The following IGF2BP3 variants were observed in gnomAD, a reference collection of about 807,000 sequenced individuals.
IGF2BP3 encodes the protein insulin like growth factor 2 mRNA binding protein 3, also known as insulin-like growth factor 2 mRNA-binding protein 3.
A neutral mutation model predicts 73.8 loss-of-function variants in IGF2BP3; 9 were observed. The observed-to-expected ratio is 0.12, with a 90% CI of 0.07 to 0.21. IGF2BP3 has a LOEUF of 0.21. Ranked by LOEUF, IGF2BP3 falls within the 10% of genes least tolerant of loss-of-function variation. The pLI is 1.00. For synonymous variants in IGF2BP3, 258 were observed against 256.7 expected (o/e 1.01, Z -0.05); for missense variants, 542 against 714.0 (o/e 0.76, Z 2.75).
In IGF2BP3 at chr7:23,310,246, G is replaced by T. The variant is rs1462244776; in HGVS notation, c.*2116C>A. 6.6e-6 allele frequency: 1 copy of T among 152,152 alleles called. No homozygotes were observed. The highest frequency in any genetic ancestry group is 1.5e-5 in the Non-Finnish European group (1 of 68,038). The allele number at this position is 152,152 out of a possible 1,614,324, so 9.4% of individuals were successfully genotyped here. ...ATGAAAAAATTTATTCTGCGTCAAGGTATCTGGAAAATGAAGCTGCATTTG... is the reference window on the plus strand; with the variant it reads ...ATGAAAAAATTTATTCTGCGTCAAGTTATCTGGAAAATGAAGCTGCATTTG... On this transcript the variant is annotated 3_prime_UTR_variant, in exon 15 of 15. Transcript: ENST00000258729.
chr7:23,359,626 C>T lies in IGF2BP3; in HGVS notation c.401+1908G>A, dbSNP rs141039943. On this transcript the variant is annotated intron_variant, in intron 5 of 14. Transcript: ENST00000258729. ...TTTTGGGAGGCTGAGATGGGCAGAT[C>T]GCTTGAGCCCACGAGTTCAAGACCA... Among the ~76,000 whole-genome samples the T allele has an allele frequency of 7.1e-4, 108 of 152,060 alleles. 2 individuals are homozygous for T. In the East Asian group the frequency reaches 0.011, roughly 15 times the overall value.
At chr7:23,374,541 G>C (rs1785657308) in intron 3 of IGF2BP3, among the ~76,000 whole-genome samples, 1 of 152,144 alleles carries the variant, frequency 6.6e-6, no homozygotes, top group African/African-American at 2.4e-5. Flanking sequence ...GCCAGATGTG[G>C]TGGTGAGTGC....
At chr7:23,319,753 G>A (rs544708508) in intron 10 of IGF2BP3, among the ~76,000 whole-genome samples, 35 of 152,114 alleles carry the variant, frequency 2.3e-4, no homozygotes, top group Non-Finnish European at 4.6e-4. Flanking sequence ...GCTGAATTTT[G>A]TTACATATGA....
chr7:23,321,741 GCCT>G lies in IGF2BP3; in HGVS notation c.1204-2490_1204-2488del, dbSNP rs1474398766. On this transcript the variant is annotated intron_variant, in intron 10 of 14. Transcript: ENST00000258729. ...CTAGAGCTCTGAGAACGGGCAGACT[GCCT>G]CCTCAAGTGGGTCCCTGACCCCTGA... is the stretch of plus-strand genomic sequence containing the variant. 3.3e-5 allele frequency among the ~76,000 whole-genome samples: 5 copies of G among 152,226 alleles called. No homozygotes were observed. In the East Asian group the frequency reaches 9.6e-4, roughly 29 times the overall value.
intron 2 of IGF2BP3, among the ~76,000 whole-genome samples, chr7:23,419,343 C>T (rs1787280650): frequency 6.6e-6 from 1 of 152,180 alleles, no homozygotes; most frequent in African/African-American, 2.4e-5. Flanking sequence ...AATTACAGTA[C>T]TTGTAATTTT....
intron 3 of IGF2BP3, among the ~76,000 whole-genome samples, chr7:23,415,878 G>A (rs1226455404): frequency 6.6e-6 from 1 of 152,182 alleles, no homozygotes; most frequent in South Asian, 2.1e-4. Flanking sequence ...GTGAAATACC[G>A]AGTATGTTAT....
chr7:23,468,159 C>T (rs1562768831), intron 2 of IGF2BP3, among the ~76,000 whole-genome samples: 1 of 152,164 alleles, frequency 6.6e-6, no homozygotes, highest in African/African-American at 2.4e-5. Flanking sequence ...CCCTGCAAAC[C>T]CCCCAAACTG....
At chr7:23,454,742 GC>G (rs1456237663) in intron 2 of IGF2BP3, among the ~76,000 whole-genome samples, 2 of 152,154 alleles carry the variant, frequency 1.3e-5, no homozygotes, top group Admixed American at 6.6e-5. Context: ...GTGCTGTACT[GC>G]TGTCCCCAAC....
chr7:23,421,323 A>G (rs1265946678), intron 2 of IGF2BP3, among the ~76,000 whole-genome samples: 1 of 151,236 alleles, frequency 6.6e-6, no homozygotes, highest in African/African-American at 2.4e-5. Context: ...TTTTCTATAA[A>G]AGGTTTAAAA....
At chr7:23,388,922 G>A (rs941114545) in intron 3 of IGF2BP3, among the ~76,000 whole-genome samples, 1 of 151,968 alleles carries the variant, frequency 6.6e-6, no homozygotes, top group Non-Finnish European at 1.5e-5. Flanking sequence ...GTAAATAGTA[G>A]TATATCTACA....
chr7:23,372,008 TTTTAA>T (rs1041628291), intron 3 of IGF2BP3, among the ~76,000 whole-genome samples: 1 of 152,198 alleles, frequency 6.6e-6, no homozygotes, highest in African/African-American at 2.4e-5. Flanking sequence ...TGATTTTTAT[TTTTAA>T]TTTATTTTTT....
At chr7:23,462,796 C>T (rs1244021260) in intron 2 of IGF2BP3, among the ~76,000 whole-genome samples, 1 of 152,150 alleles carries the variant, frequency 6.6e-6, no homozygotes, top group Non-Finnish European at 1.5e-5. Flanking sequence ...CAGAATATGT[C>T]AATATTTAGA....
chr7:23,360,617 T>C lies in IGF2BP3; in HGVS notation c.401+917A>G, dbSNP rs1046833279. On this transcript the variant is annotated intron_variant, in intron 5 of 14. Coordinates refer to ENST00000258729, the MANE Select transcript of IGF2BP3 (RefSeq NM_006547.3). ...CACATTTCCATCTTCTTCTCAGTCT[T>C]TTCTTTCATAGTCCCTCCTGAGTGA... Among the ~76,000 whole-genome samples the C allele has an allele frequency of 1.3e-4, 20 of 152,352 alleles. No individual in the cohort carries two copies. In the East Asian group the frequency reaches 3.9e-3, roughly 29 times the overall value.
intron 2 of IGF2BP3, among the ~76,000 whole-genome samples, chr7:23,460,459 G>A (rs984188460): frequency 1.1e-4 from 16 of 151,514 alleles, no homozygotes; most frequent in Non-Finnish European, 1.2e-4. Context: ...TTGAACTCAG[G>A]AGGCAGAGGT....
intron 6 of IGF2BP3, among the ~76,000 whole-genome samples, chr7:23,348,635 T>C (rs1784889268): frequency 6.6e-6 from 1 of 152,170 alleles, no homozygotes; most frequent in Admixed American, 6.5e-5. Context: ...ATGGGGTGTC[T>C]TGTGCATTGT....
At chr7:23,451,995 T>C (rs552405721) in intron 2 of IGF2BP3, among the ~76,000 whole-genome samples, 33 of 151,454 alleles carry the variant, frequency 2.2e-4, no homozygotes, top group Admixed American at 3.9e-4. Flanking sequence ...TTTTTTCCTT[T>C]TTTTTTTTTA....
chr7:23,441,732 G>A (rs1206553589), intron 2 of IGF2BP3, among the ~76,000 whole-genome samples: 1 of 151,510 alleles, frequency 6.6e-6, no homozygotes, highest in East Asian at 1.9e-4. Context: ...GTCCAGCTAA[G>A]CATTTAAAGT....
At chr7:23,317,351 T>C (rs1273424740) in intron 12 of IGF2BP3, among the ~76,000 whole-genome samples, 1 of 152,226 alleles carries the variant, frequency 6.6e-6, no homozygotes, top group Admixed American at 6.5e-5. Context: ...CATATTAACC[T>C]GGCAGGTTTG....
At chr7:23,451,711 G>A (rs1237326661) in intron 2 of IGF2BP3, among the ~76,000 whole-genome samples, 2 of 152,096 alleles carry the variant, frequency 1.3e-5, no homozygotes, top group Non-Finnish European at 2.9e-5. Flanking sequence ...CACCTTGGGA[G>A]GCCGAGGCAA....
Sources: allele counts gnomAD v4.1 joint callset (sites outside exome capture counted in the v4.1 genomes callset), GRCh38; gene constraint gnomAD v4.1.1; transcripts MANE v1.5; gene names NCBI Gene and HGNC (gene_info 2026-07-23, HGNC 2026-07-21).